The following MARK2 variants were observed in gnomAD, a reference collection of about 807,000 sequenced individuals.
The protein encoded by MARK2 is microtubule affinity regulating kinase 2, also known as serine/threonine-protein kinase MARK2.
MARK2 carries 16 observed loss-of-function variants against 89.8 expected under a neutral mutation model. That is an observed-to-expected ratio of 0.18 (90% CI 0.12 to 0.27). The LOEUF is 0.27. Among genes scored for constraint, MARK2 ranks in the 10% least tolerant of loss-of-function variants. The pLI is 1.00. For missense variants in MARK2, 621 were observed against 1,049.9 expected (o/e 0.59, Z 5.65); for synonymous variants, 382 against 399.5 (o/e 0.96, Z 0.52).
intron 1 of MARK2, among the ~76,000 whole-genome samples, chr11:63,889,468 T>C (rs1235806475): frequency 2.0e-5 from 3 of 152,198 alleles, no homozygotes; most frequent in Non-Finnish European, 4.4e-5. Context: ...GGGACAACTG[T>C]TGGTAGGAGC....
At chr11:63,848,582 G>C (rs7939351) in intron 1 of MARK2, among the ~76,000 whole-genome samples, 1 of 145,360 alleles carries the variant, frequency 6.9e-6, no homozygotes, top group Non-Finnish European at 1.5e-5. Context: ...ACAGGGTCTC[G>C]CTCTGTCGCC....
At chr11:63,883,423 T>A (rs1251220391) in intron 1 of MARK2, among the ~76,000 whole-genome samples, 1 of 152,094 alleles carries the variant, frequency 6.6e-6, no homozygotes, top group Non-Finnish European at 1.5e-5. Context: ...GTACTTACAG[T>A]CAAATTTCTA....
At chr11:63,842,217 CTTTTTTT>C in intron 1 of MARK2, among the ~76,000 whole-genome samples, 1 of 133,058 alleles carries the variant, frequency 7.5e-6, no homozygotes, top group South Asian at 2.4e-4. Context: ...TTCCTGTATT[CTTTTTTT>C]TTTTTTTTTT....
chr11:63,853,756 A>G (rs2016690731), intron 1 of MARK2, among the ~76,000 whole-genome samples: 1 of 152,146 alleles, frequency 6.6e-6, no homozygotes, highest in Non-Finnish European at 1.5e-5. Context: ...CTTCTTTCCC[A>G]CCACAAACTT....
rs561248651 is a variant in MARK2, at chr11:63,904,628, C to A, written c.1677-158C>A. 1.3e-5 allele frequency among the ~76,000 whole-genome samples: 2 copies of A among 152,244 alleles called. No homozygotes were observed. The highest frequency in any genetic ancestry group is 4.1e-4 in the South Asian group (2 of 4,828). On this transcript the variant is annotated intron_variant, in intron 15 of 18. Coordinates refer to ENST00000402010, the MANE Select transcript of MARK2 (RefSeq NM_001039469.3). This position sits in a 1 kb window ranked among gnomAD's most constrained non-coding sequence, Gnocchi z 6.3. The stretch of plus-strand genomic sequence containing the variant: ...CTTCCACGAGACTTCCTTCTCACCA[C>A]TGTCCTCAGTAGTCACACCCTTCCT...
At chr11:63,882,646 TTC>T (rs1438540064) in intron 1 of MARK2, 1 of 152,156 alleles carries the variant, frequency 6.6e-6, no homozygotes, top group African/African-American at 2.4e-5. Flanking sequence ...CATGCTAATC[TTC>T]TCTTTATTGT....
intron 1 of MARK2, among the ~76,000 whole-genome samples, chr11:63,853,392 TAA>T (rs146715941): frequency 3.7e-4 from 46 of 125,396 alleles, no homozygotes; most frequent in Admixed American, 4.0e-4. Flanking sequence ...AGAGCGAAAC[TAA>T]AAAAAAAAAA....
At chr11:63,856,768 G>GTTTTTTTTTTTTTTTTT (rs71039681) in intron 1 of MARK2, among the ~76,000 whole-genome samples, 1 of 53,796 alleles carries the variant, frequency 1.9e-5, no homozygotes, top group Non-Finnish European at 3.2e-5. Context: ...AATTTTTCAT[G>GTTTTTTTTTTTTTTTTT]TTTTTTTTTT....
At chr11:63,877,991 A>G (rs934196289) in intron 1 of MARK2, among the ~76,000 whole-genome samples, 2 of 152,230 alleles carry the variant, frequency 1.3e-5, no homozygotes, top group Non-Finnish European at 1.5e-5. Context: ...TGCCCAGGCC[A>G]TGGCCACTTA....
intron 1 of MARK2, among the ~76,000 whole-genome samples, chr11:63,868,091 T>G (rs1938235313): frequency 6.6e-6 from 1 of 152,172 alleles, no homozygotes; most frequent in African/African-American, 2.4e-5. Flanking sequence ...AACAAAAATT[T>G]TTTTAAATTG....
intron 1 of MARK2, among the ~76,000 whole-genome samples, chr11:63,886,229 C>T (rs1042537087): frequency 3.3e-5 from 5 of 151,940 alleles, no homozygotes; most frequent in East Asian, 3.9e-4. Flanking sequence ...TGGACTGAAA[C>T]GATTATCCTG....
intron 4 of MARK2, 116 bp downstream of exon 4, chr11:63,898,396 C>T: frequency 9.2e-7 from 1 of 1,082,398 alleles, no homozygotes; most frequent in South Asian, 1.3e-5. Flanking sequence ...TCAAGGATAC[C>T]CCTGGGGAAG....
chr11:63,890,427 A>G (rs1939750079), intron 1 of MARK2: 1 of 408,360 alleles, frequency 2.4e-6, no homozygotes, highest in African/African-American at 2.1e-5. Context: ...TGGCTCCTGA[A>G]CAAGCAGAAC....
At chr11:63,844,482 T>G (rs1219111604) in intron 1 of MARK2, among the ~76,000 whole-genome samples, 4 of 151,710 alleles carry the variant, frequency 2.6e-5, no homozygotes, top group African/African-American at 7.3e-5. Flanking sequence ...AGACACTATC[T>G]CAGAAAAAAA....
Position 63,899,063 on chromosome 11 carries a change from T to C in MARK2, c.486T>C (p.Ala162=), listed in dbSNP as rs1380994753. 18 of 1,611,748 alleles carry C rather than the reference T, an allele frequency of 1.1e-5. No individual in the cohort carries two copies. Among genetic ancestry groups the C allele is most frequent in the Non-Finnish European group, 1.5e-5 (18 of 1,178,176 alleles). ...TTCCTTCCTTTCAGATAGTGTCTGC[T>C]GTGCAGTACTGTCACCAGAAGTTTA... The part of the protein sequence containing the change: ...ARAKFRQIVS[A]VQYCHQKFIV... The change falls in exon 7 of 19, where the codon GCT becomes GCC. Residue 162 remains alanine, a synonymous_variant. Transcript: ENST00000402010.
At chr11:63,877,427 G>A (rs1191971223) in intron 1 of MARK2, among the ~76,000 whole-genome samples, 3 of 152,098 alleles carry the variant, frequency 2.0e-5, no homozygotes, top group Non-Finnish European at 2.9e-5. Context: ...CTTTTCATAG[G>A]ATGCTGAAAG....
intron 1 of MARK2, among the ~76,000 whole-genome samples, chr11:63,858,504 C>G (rs1274527318): frequency 6.6e-6 from 1 of 152,130 alleles, no homozygotes; most frequent in Admixed American, 6.5e-5. Flanking sequence ...CAGGCATGCG[C>G]CACCACACCC....
chr11:63,850,029 GGT>G (rs2016487013), intron 1 of MARK2: 2 of 125,548 alleles, frequency 1.6e-5, no homozygotes, highest in Non-Finnish European at 3.3e-5. Context: ...CACAACTCTA[GGT>G]CAGTATAAGG....
chr11:63,871,119 T>G (rs1473224259), intron 1 of MARK2, among the ~76,000 whole-genome samples: 1 of 152,190 alleles, frequency 6.6e-6, no homozygotes, highest in Non-Finnish European at 1.5e-5. Context: ...TATATGCATA[T>G]TTGTGTGTGT....
Sources: allele counts gnomAD v4.1 joint callset (sites outside exome capture counted in the v4.1 genomes callset), GRCh38; gene constraint gnomAD v4.1.1; non-coding constraint Gnocchi (gnomAD v3.1); transcripts MANE v1.5; gene names NCBI Gene and HGNC (gene_info 2026-07-23, HGNC 2026-07-21).